MYO1D: variants seen among roughly 807,000 people sequenced by gnomAD.
MYO1D encodes unconventional myosin-Id.
MYO1D carries 83 observed loss-of-function variants against 122.0 expected under a neutral mutation model. The observed-to-expected ratio is 0.68, with a 90% CI of 0.57 to 0.82. MYO1D has a LOEUF of 0.82. Ranked by LOEUF, MYO1D falls within the 40% of genes least tolerant of loss-of-function variation. MYO1D has a pLI of 0.00. For synonymous variants in MYO1D, 464 were observed against 446.9 expected, an observed-to-expected ratio of 1.04 and a Z score of -0.48; for missense variants, 1,157 against 1,269.5, an observed-to-expected ratio of 0.91 and a Z score of 1.35.
chr17:32,548,996 A>G (rs1409054261), intron 21 of MYO1D, among the ~76,000 whole-genome samples: 2 of 152,088 alleles, frequency 1.3e-5, no homozygotes, highest in African/African-American at 4.8e-5. Flanking sequence ...TACAGGCGTG[A>G]GCCACCGCGC....
At chr17:32,627,318 G>C (rs1189929635) in intron 20 of MYO1D, among the ~76,000 whole-genome samples, 1 of 152,214 alleles carries the variant, frequency 6.6e-6, no homozygotes, top group Non-Finnish European at 1.5e-5. Context: ...CCAGACGTCA[G>C]CTGACTGTAT....
chr17:32,567,516 C>T (rs2087184722), intron 21 of MYO1D, among the ~76,000 whole-genome samples: 1 of 152,200 alleles, frequency 6.6e-6, no homozygotes, highest in African/African-American at 2.4e-5. Flanking sequence ...GGTTAAGTAA[C>T]GTCTGATGTC....
intron 13 of MYO1D, 95 bp from the exon 14 acceptor site, chr17:32,738,480 T>A: frequency 7.9e-7 from 1 of 1,266,562 alleles, no homozygotes; most frequent in Non-Finnish European, 1.0e-6. Flanking sequence ...CTGAGAATCA[T>A]AATTGGACTA....
intron 15 of MYO1D, among the ~76,000 whole-genome samples, chr17:32,713,632 C>CATT (rs148427456): frequency 0.036 from 5,403 of 151,710 alleles, 321 homozygotes; most frequent in African/African-American, 0.12. Context: ...ACATTAAATA[C>CATT]ATTATTATTA....
chr17:32,680,894 GT>G (rs1209919913), intron 16 of MYO1D, among the ~76,000 whole-genome samples: 1 of 152,054 alleles, frequency 6.6e-6, no homozygotes, highest in Non-Finnish European at 1.5e-5. Flanking sequence ...ACTCTTTTTG[GT>G]TGGTAAACTA....
At chr17:32,676,187 C>A (rs2088806395) in intron 16 of MYO1D, among the ~76,000 whole-genome samples, 1 of 152,172 alleles carries the variant, frequency 6.6e-6, no homozygotes, top group African/African-American at 2.4e-5. Context: ...TCGGCTGCCA[C>A]ACATTAAAGC....
chr17:32,563,161 T>G (rs981868829), intron 21 of MYO1D, among the ~76,000 whole-genome samples: 2 of 151,856 alleles, frequency 1.3e-5, no homozygotes, highest in Non-Finnish European at 2.9e-5. Context: ...ATATATGTTG[T>G]TATTTTCCGT....
intron 14 of MYO1D, among the ~76,000 whole-genome samples, chr17:32,727,083 C>G (rs2089585782): frequency 3.9e-5 from 6 of 152,108 alleles, no homozygotes; most frequent in Admixed American, 2.0e-4. Flanking sequence ...CTTGCAACAC[C>G]AGTGGAGGGG....
chr17:32,517,937 C>A (rs1909953425), intron 21 of MYO1D, among the ~76,000 whole-genome samples: 1 of 152,114 alleles, frequency 6.6e-6, no homozygotes, highest in African/African-American at 2.4e-5. Flanking sequence ...CCTCCTGCCA[C>A]CCCGGCTCTC....
chr17:32,842,009 T>C (rs2090887558), intron 1 of MYO1D, among the ~76,000 whole-genome samples: 1 of 152,090 alleles, frequency 6.6e-6, no homozygotes, highest in African/African-American at 2.4e-5. Flanking sequence ...AATTTGAAGA[T>C]CTGAGTGAGA....
chr17:32,798,375 T>C (rs2090435494), intron 1 of MYO1D, among the ~76,000 whole-genome samples: 3 of 152,350 alleles, frequency 2.0e-5, no homozygotes, highest in South Asian at 4.1e-4. Flanking sequence ...ACTATCCTTA[T>C]ACTTCCTATA....
At chr17:32,742,744 CTG>C (rs1269769157) in intron 13 of MYO1D, among the ~76,000 whole-genome samples, 1 of 152,190 alleles carries the variant, frequency 6.6e-6, no homozygotes, top group Non-Finnish European at 1.5e-5. Flanking sequence ...ATTCCTGTCT[CTG>C]TAACTTTTTA....
intron 1 of MYO1D, among the ~76,000 whole-genome samples, chr17:32,871,598 C>T (rs1402676007): frequency 2.6e-5 from 4 of 152,142 alleles, no homozygotes; most frequent in African/African-American, 7.2e-5. Flanking sequence ...AAAACAGGAA[C>T]CAATAACAAA....
chr17:32,736,200 G>C (rs2089699117), intron 14 of MYO1D, among the ~76,000 whole-genome samples: 1 of 151,962 alleles, frequency 6.6e-6, no homozygotes, highest in Admixed American at 6.6e-5. Flanking sequence ...TACACACATG[G>C]ATTGGGAAGC....
chr17:32,695,347 G>T (rs144602368), intron 16 of MYO1D, among the ~76,000 whole-genome samples: 1 of 152,174 alleles, frequency 6.6e-6, no homozygotes, highest in African/African-American at 2.4e-5. Flanking sequence ...CTCACTTGCC[G>T]CCCACCTGCT....
At chr17:32,532,703 G>A (rs866978369) in intron 21 of MYO1D, among the ~76,000 whole-genome samples, 50 of 130,206 alleles carry the variant, frequency 3.8e-4, no homozygotes, top group Admixed American at 8.8e-4. Flanking sequence ...CAGCCTGGGC[G>A]ACAGAGTGAG....
intron 1 of MYO1D, among the ~76,000 whole-genome samples, chr17:32,867,522 T>G (rs2091137663): frequency 6.6e-6 from 1 of 151,746 alleles, no homozygotes; most frequent in Non-Finnish European, 1.5e-5. Context: ...GTTGGCCGGG[T>G]ACAGTGACCC....
intron 21 of MYO1D, among the ~76,000 whole-genome samples, chr17:32,551,622 C>A (rs976811424): frequency 3.3e-5 from 5 of 152,076 alleles, no homozygotes; most frequent in African/African-American, 1.2e-4. Flanking sequence ...TGGCTTTTCC[C>A]TTCGGGAGTC....
At chr17:32,826,841 T>C (rs960088855) in intron 1 of MYO1D, among the ~76,000 whole-genome samples, 1 of 152,210 alleles carries the variant, frequency 6.6e-6, no homozygotes, top group African/African-American at 2.4e-5. Flanking sequence ...ACAATCATAG[T>C]TGAAAACATA....
Sources: gnomAD v4.1 joint callset for allele counts (sites outside exome capture counted in the v4.1 genomes callset) on GRCh38, gnomAD v4.1.1 for gene constraint, MANE v1.5 for transcripts, NCBI Gene and HGNC (gene_info 2026-07-23, HGNC 2026-07-21) for gene names.